APBA2: variants seen among roughly 807,000 people sequenced by gnomAD.
APBA2 encodes amyloid beta precursor protein binding family A member 2, also known as amyloid-beta A4 precursor protein-binding family A member 2.
A neutral mutation model predicts 75.0 loss-of-function variants in APBA2; 30 were observed. The ratio of observed to expected loss-of-function variants is 0.40; its 90% CI spans 0.30 to 0.54. APBA2 has a LOEUF of 0.54. Ranked by LOEUF, APBA2 falls within the 20% of genes least tolerant of loss-of-function variation. The pLI is 0.49. For synonymous variants in APBA2, 444 were observed against 409.6 expected, an observed-to-expected ratio of 1.08 and a Z score of -1.01; for missense variants, 801 against 1,016.1, an observed-to-expected ratio of 0.79 and a Z score of 2.88.
intron 3 of APBA2, among the ~76,000 whole-genome samples, chr15:29,008,003 CA>C (rs1446396942): frequency 1.3e-5 from 2 of 152,130 alleles, no homozygotes; most frequent in African/African-American, 4.8e-5. Flanking sequence ...ATGAATGGAT[CA>C]ACAAAATGTG....
At chr15:28,983,263 A>G (rs2152769901) in intron 2 of APBA2, among the ~76,000 whole-genome samples, 1 of 152,298 alleles carries the variant, frequency 6.6e-6, no homozygotes, top group East Asian at 1.9e-4. Flanking sequence ...GCGTCATGTA[A>G]GGTGGTCCTT....
intron 2 of APBA2, among the ~76,000 whole-genome samples, chr15:28,987,529 C>T (rs1057178272): frequency 6.6e-6 from 1 of 151,848 alleles, no homozygotes; most frequent in Admixed American, 6.6e-5. Context: ...ATTCCCCCAG[C>T]CTCAGTGATT....
intron 2 of APBA2, among the ~76,000 whole-genome samples, chr15:28,969,182 T>TTTA (rs2036927452): frequency 7.2e-6 from 1 of 138,746 alleles, no homozygotes. Flanking sequence ...CTTTCTTTCT[T>TTTA]TTTTTTATTT....
chr15:28,952,685 C>G (rs2035952389), intron 2 of APBA2, among the ~76,000 whole-genome samples: 1 of 152,220 alleles, frequency 6.6e-6, no homozygotes, highest in Non-Finnish European at 1.5e-5. Context: ...TATTTTTACA[C>G]TGCATGTATG....
Position 29,110,376 on chromosome 15 carries a change from T to C in APBA2, c.2037+1987T>C, listed in dbSNP as rs185584407. Among the ~76,000 whole-genome samples the C allele has an allele frequency of 2.0e-5, 3 of 152,300 alleles. No homozygotes were observed. In the East Asian group the frequency reaches 5.8e-4, roughly 29 times the overall value. ...ACTGCCTTTGCCTCCTGAGTGGCAC[T>C]GGGGAGCTGCTTGTCCTGTTCCTGC... On this transcript the variant is annotated intron_variant, in intron 13 of 14. Transcript: ENST00000683413.
intron 13 of APBA2, 99 bp downstream of exon 13, chr15:29,108,488 G>C (rs747687051): frequency 6.3e-7 from 1 of 1,587,882 alleles, no homozygotes; most frequent in Non-Finnish European, 8.6e-7. Context: ...CTGGCAGCCT[G>C]GTAGGACCTG....
At chr15:29,010,087 A>AT (rs2039322749) in intron 3 of APBA2, among the ~76,000 whole-genome samples, 1 of 152,070 alleles carries the variant, frequency 6.6e-6, no homozygotes, top group African/African-American at 2.4e-5. Flanking sequence ...TTTTAATTTG[A>AT]TTTTTAGTGG....
chr15:29,059,426 G>A (rs1174215671), intron 4 of APBA2, among the ~76,000 whole-genome samples: 1 of 152,160 alleles, frequency 6.6e-6, no homozygotes, highest in Non-Finnish European at 1.5e-5. Flanking sequence ...TAAGGAAAAG[G>A]TGGAGGAATG....
chr15:28,998,200 CTT>C (rs397937522), intron 3 of APBA2, among the ~76,000 whole-genome samples: 52 of 132,298 alleles, frequency 3.9e-4, no homozygotes, highest in African/African-American at 1.1e-3. Context: ...TCTTCTTTTT[CTT>C]TTTTTTTTTT....
chr15:29,052,889 C>A (rs1031595602), intron 3 of APBA2, among the ~76,000 whole-genome samples: 6 of 152,100 alleles, frequency 3.9e-5, no homozygotes, highest in African/African-American at 1.4e-4. Context: ...ATAACAAACC[C>A]ACTCTCACAA....
intron 2 of APBA2, among the ~76,000 whole-genome samples, chr15:28,950,627 A>C (rs1299102205): frequency 1.2e-5 from 1 of 86,008 alleles, no homozygotes; most frequent in East Asian, 1.0e-3. Flanking sequence ...ATTCTGTCTC[A>C]AAAAAAAAAA....
At chr15:29,015,731 C>T (rs1267894026) in intron 3 of APBA2, among the ~76,000 whole-genome samples, 3 of 152,196 alleles carry the variant, frequency 2.0e-5, no homozygotes, top group Non-Finnish European at 4.4e-5. Context: ...TGCTCAGTGA[C>T]AACTGCATCC....
intron 6 of APBA2, among the ~76,000 whole-genome samples, chr15:29,081,227 A>G (rs1411188807): frequency 6.6e-6 from 1 of 152,132 alleles, no homozygotes; most frequent in South Asian, 2.1e-4. Flanking sequence ...TCTTAAAGTG[A>G]AGACATCTCC....
At chr15:29,040,939 TAA>T (rs1164114308) in intron 3 of APBA2, among the ~76,000 whole-genome samples, 1 of 152,062 alleles carries the variant, frequency 6.6e-6, no homozygotes, top group South Asian at 2.1e-4. Context: ...TCAAAGACTT[TAA>T]AGTGACTGTT....
chr15:29,080,893 A>T (rs886207523), intron 6 of APBA2, among the ~76,000 whole-genome samples: 2 of 152,182 alleles, frequency 1.3e-5, no homozygotes, highest in African/African-American at 4.8e-5. Context: ...TCCTCATCCA[A>T]AGCTCATACA....
At chr15:28,992,348 G>C (rs1227612436) in intron 2 of APBA2, among the ~76,000 whole-genome samples, 1 of 152,180 alleles carries the variant, frequency 6.6e-6, no homozygotes, top group African/African-American at 2.4e-5. Flanking sequence ...TCTTCTTTAA[G>C]GAATATTTAG....
Position 29,054,807 on chromosome 15 carries a change from AAG to A in APBA2, c.928_929del (p.Arg310AlafsTer22). On this transcript the variant is annotated frameshift_variant, in exon 4 of 15. Transcript: ENST00000683413. LOFTEE classifies it high-confidence loss of function. The surrounding 1 kb of genome is among the most constrained non-coding windows in gnomAD (Gnocchi z 6.1). ...TTCAAGCCCAAGACCAGGACCCCAG[AAG>A]AGAGGCTGAAGTGGCCCCACGAGCA... 6.2e-7 allele frequency: 1 copy of A among 1,600,784 alleles called. No individual in the cohort carries two copies.
chr15:28,899,341 C>T (rs954157212), intron 1 of APBA2, among the ~76,000 whole-genome samples: 13 of 152,370 alleles, frequency 8.5e-5, no homozygotes, highest in African/African-American at 2.9e-4. Context: ...TTGCCCCTTC[C>T]GGGTTGCCCC....
At chr15:28,895,986 G>A (rs1362699006) in intron 1 of APBA2, among the ~76,000 whole-genome samples, 2 of 152,110 alleles carry the variant, frequency 1.3e-5, no homozygotes, top group South Asian at 2.1e-4. Context: ...GGTGGCTCAC[G>A]TGTGTGGTCC....
Sources: gnomAD v4.1 joint callset for allele counts (sites outside exome capture counted in the v4.1 genomes callset) on GRCh38, gnomAD v4.1.1 for gene constraint, Gnocchi (gnomAD v3.1) non-coding constraint, MANE v1.5 for transcripts, NCBI Gene and HGNC (gene_info 2026-07-23, HGNC 2026-07-21) for gene names.